Variants in PAX8 observed in about 807,000 individuals in gnomAD.
PAX8 encodes the protein paired box protein Pax-8.
PAX8 carries 15 observed loss-of-function variants against 52.4 expected under a neutral mutation model. The observed-to-expected ratio is 0.29, with a 90% CI of 0.19 to 0.44. PAX8 has a LOEUF of 0.44. PAX8 is among the 20% of genes least tolerant of loss of function. The pLI, the probability that PAX8 is intolerant of heterozygous loss-of-function variation, is 1.00. For synonymous variants in PAX8, 284 were observed against 249.7 expected (o/e 1.14, Z -1.29); for missense variants, 554 against 602.5 (o/e 0.92, Z 0.84).
intron 10 of PAX8, chr2:113,226,392 A>G: frequency 3.0e-6 from 3 of 986,072 alleles, no homozygotes; most frequent in Non-Finnish European, 2.4e-6. Context: ...TCTTCCCTAC[A>G]TGGCTCCTAA....
chr2:113,253,678 C>T (rs888502296), intron 2 of PAX8, among the ~76,000 whole-genome samples: 6 of 152,168 alleles, frequency 3.9e-5, no homozygotes, highest in African/African-American at 1.2e-4. Flanking sequence ...GTCACTTCCT[C>T]GGTGGCTTTG....
At chr2:113,230,209 G>A (rs1409529955) in intron 9 of PAX8, among the ~76,000 whole-genome samples, 2 of 152,184 alleles carry the variant, frequency 1.3e-5, no homozygotes, top group African/African-American at 2.4e-5. Context: ...CTGTTTGCTG[G>A]TGCTGGCCTT....
At chr2:113,263,569 T>G (rs762932136) in intron 2 of PAX8, 3 of 152,214 alleles carry the variant, frequency 2.0e-5, no homozygotes, top group Non-Finnish European at 4.4e-5. Flanking sequence ...TTGCCCCATT[T>G]TATAGATAAA....
At chr2:113,224,573 T>C (rs1573407022) in intron 10 of PAX8, among the ~76,000 whole-genome samples, 1 of 139,862 alleles carries the variant, frequency 7.1e-6, no homozygotes, top group African/African-American at 2.7e-5. Context: ...AAAGGAAAGA[T>C]GGATGGAAAG....
chr2:113,270,374 G>A (rs4849188), intron 2 of PAX8: 77,990 of 151,972 alleles, frequency 0.51, 20,648 homozygotes, highest in African/African-American at 0.66. Context: ...TTTTATAAAG[G>A]GGAAGTACAA....
rs188802198 is a variant in PAX8 at position 113,231,566 on chromosome 2, G to A, written c.1087+3828C>T. On this transcript the variant is annotated intron_variant, in intron 9 of 11. Coordinates refer to ENST00000429538, the MANE Select transcript of PAX8 (RefSeq NM_003466.4). ...AAGTAGTGAAGGAGTTGCAGGAGGC[G>A]GCAGCGAGGGTCCTTGGGAGTCACT... Among the ~76,000 whole-genome samples, 17 of 152,302 alleles carry A rather than the reference G, an allele frequency of 1.1e-4. No individual in the cohort carries two copies. The East Asian group carries it at 1.5e-3, about 14-fold the overall frequency.
intron 11 of PAX8, among the ~76,000 whole-genome samples, chr2:113,219,462 A>G (rs1689159835): frequency 6.6e-6 from 1 of 152,062 alleles, no homozygotes; most frequent in Non-Finnish European, 1.5e-5. Context: ...CCAGTTCAGG[A>G]CCCCAGGACA....
At chr2:113,245,207 C>T (rs529339114) in intron 3 of PAX8, among the ~76,000 whole-genome samples, 46 of 152,100 alleles carry the variant, frequency 3.0e-4, no homozygotes, top group African/African-American at 9.4e-4. Flanking sequence ...CCACCACACC[C>T]GGCTAATTTT....
At chr2:113,233,646 C>T (rs1484295969) in intron 9 of PAX8, among the ~76,000 whole-genome samples, 1 of 149,880 alleles carries the variant, frequency 6.7e-6, no homozygotes, top group African/African-American at 2.5e-5. Context: ...CCACTGCACT[C>T]CAACCTGGGC....
At chr2:113,278,705 C>T in intron 1 of PAX8, 126 bp downstream of exon 1, 1 of 625,946 alleles carries the variant, frequency 1.6e-6, no homozygotes, top group South Asian at 2.6e-5. Context: ...ACTCCCTCCG[C>T]TGTCCCAGTC....
chr2:113,242,207 C>G, intron 5 of PAX8, 77 bp from the exon 6 acceptor site: 2 of 1,349,366 alleles, frequency 1.5e-6, no homozygotes, highest in Non-Finnish European at 2.1e-6. Flanking sequence ...GGGGTAGTTA[C>G]AGTTGAGCTG....
At chr2:113,257,640 ACT>A (rs1692358145) in intron 2 of PAX8, among the ~76,000 whole-genome samples, 1 of 151,958 alleles carries the variant, frequency 6.6e-6, no homozygotes, top group African/African-American at 2.4e-5. Flanking sequence ...CTTGGATTAG[ACT>A]CTGTCTGGGA....
At chr2:113,227,013 G>C in intron 10 of PAX8, 142 bp downstream of exon 10, 1 of 1,531,648 alleles carries the variant, frequency 6.5e-7, no homozygotes, top group Non-Finnish European at 8.7e-7. Context: ...CATTTACAAG[G>C]AGATGCCCTC....
chr2:113,243,782 C>T (rs1302906515), intron 4 of PAX8, among the ~76,000 whole-genome samples: 1 of 152,222 alleles, frequency 6.6e-6, no homozygotes, highest in Non-Finnish European at 1.5e-5. Flanking sequence ...TTGTTTTTTA[C>T]TCAAGGGAAG....
chr2:113,218,641 C>T lies in PAX8; in HGVS notation c.1277-32G>A, dbSNP rs1449680783. ...ACATTAAAAAAAAATAACAACAACA[C>T]TGCTGGTCAGAAAGGAAAATTGCAC... is the stretch of plus-strand genomic sequence containing the variant. On this transcript the variant is annotated intron_variant, in intron 11 of 11. Coordinates refer to ENST00000429538, the MANE Select transcript of PAX8 (RefSeq NM_003466.4). The T allele has an allele frequency of 2.8e-6, 4 of 1,431,132 alleles. No homozygotes were observed. The African/African-American group carries it at 4.3e-5, about 15-fold the overall frequency. 88.7% of individuals were successfully genotyped at this position (1,431,132 alleles called of 1,614,324 possible). A position where few individuals can be genotyped will look rare whatever the true frequency, so the allele number is the denominator to read the frequency against.
chr2:113,247,392 T>G (rs1691419695), intron 2 of PAX8, among the ~76,000 whole-genome samples: 1 of 152,224 alleles, frequency 6.6e-6, no homozygotes, highest in Admixed American at 6.5e-5. Flanking sequence ...AACCAGATTT[T>G]AAAACACTAC....
chr2:113,236,901 TC>T (rs1690408127), intron 7 of PAX8, 180 bp from the exon 8 acceptor site: 1 of 690,708 alleles, frequency 1.4e-6, no homozygotes, highest in Non-Finnish European at 2.3e-6. Flanking sequence ...CTCATTGTCC[TC>T]CCGCATCCCT....
At chr2:113,242,630 G>T (rs557456737) in intron 5 of PAX8, 60 bp downstream of exon 5, 2 of 1,094,802 alleles carry the variant, frequency 1.8e-6, no homozygotes, top group Non-Finnish European at 2.8e-6. Context: ...GTATATGTGG[G>T]TATGCTGAAG....
chr2:113,240,017 G>C (rs968180119), intron 7 of PAX8: 2 of 152,208 alleles, frequency 1.3e-5, no homozygotes, highest in African/African-American at 4.8e-5. Context: ...GGGTCCTTTG[G>C]GGGGCTTAGG....
Sources: allele counts gnomAD v4.1 joint callset (sites outside exome capture counted in the v4.1 genomes callset), GRCh38; gene constraint gnomAD v4.1.1; transcripts MANE v1.5; gene names NCBI Gene and HGNC (gene_info 2026-07-23, HGNC 2026-07-21).